The following MACROD2 variants were observed in gnomAD, a reference collection of about 807,000 sequenced individuals.
The protein encoded by MACROD2 is mono-ADP ribosylhydrolase 2.
A neutral mutation model predicts 70.4 loss-of-function variants in MACROD2; 36 were observed. The ratio of observed to expected loss-of-function variants is 0.51; its 90% CI spans 0.39 to 0.68. The LOEUF (loss-of-function observed/expected upper bound fraction) is 0.68, where lower values mean the gene tolerates loss of function less well. Among genes scored for constraint, MACROD2 ranks in the 30% least tolerant of loss-of-function variants. MACROD2 has a pLI of 0.00. For missense variants in MACROD2, 496 were observed against 538.4 expected (o/e 0.92, Z 0.78); for synonymous variants, 172 against 178.8 (o/e 0.96, Z 0.30).
intron 2 of MACROD2, among the ~76,000 whole-genome samples, chr20:14,023,495 A>G (rs2053116423): frequency 1.3e-5 from 2 of 152,052 alleles, no homozygotes; most frequent in Admixed American, 1.3e-4. Flanking sequence ...CCTGAATGGT[A>G]TTCTTCTAGG....
chr20:14,223,547 G>T (rs1396773583), intron 3 of MACROD2, among the ~76,000 whole-genome samples: 1 of 134,898 alleles, frequency 7.4e-6, no homozygotes, highest in African/African-American at 2.8e-5. Flanking sequence ...TCACCCTGTT[G>T]CCCAGGCTGG....
At chr20:15,712,595 A>T (rs1335692375) in intron 8 of MACROD2, among the ~76,000 whole-genome samples, 1 of 152,116 alleles carries the variant, frequency 6.6e-6, no homozygotes. Context: ...AACTCTCTAT[A>T]CTGTGGCTTT....
Position 14,852,901 on chromosome 20 carries a change from A to G in MACROD2, c.418+167942A>G, listed in dbSNP as rs549934477. 2.6e-5 allele frequency among the ~76,000 whole-genome samples: 4 copies of G among 152,250 alleles called. No homozygotes were observed. In the South Asian group the frequency reaches 8.3e-4, roughly 32 times the overall value. ...TGTGTGAAGCCCCACTGTGGCTCGGAGTCTACAGCATGTTTCAAAGACGTT... is the reference window on the plus strand; with the variant it reads ...TGTGTGAAGCCCCACTGTGGCTCGGGGTCTACAGCATGTTTCAAAGACGTT... On this transcript the variant is annotated intron_variant, in intron 5 of 17. Transcript: ENST00000684519.
chr20:15,572,184 G>T (rs912721888), intron 8 of MACROD2, among the ~76,000 whole-genome samples: 4 of 152,028 alleles, frequency 2.6e-5, no homozygotes, highest in Non-Finnish European at 4.4e-5. Context: ...TATTCACTCA[G>T]ATTTCTCAGG....
rs190023980 is a variant in MACROD2, at chr20:15,197,926, G to A, written c.419-32014G>A. On this transcript the variant is annotated intron_variant, in intron 5 of 17. Coordinates refer to ENST00000684519, the MANE Select transcript of MACROD2 (RefSeq NM_001351661.2). ...TGCCCAGCCTGGTCTTGAACTCCTG[G>A]ACTCAAGCAATTTTCCTGCCTTGGC... Among the ~76,000 whole-genome samples the A allele has an allele frequency of 1.7e-3, 243 of 144,858 alleles. No homozygotes were observed. The South Asian group carries it at 0.017, about 10-fold the overall frequency.
chr20:14,046,986 A>C (rs1315703606), intron 2 of MACROD2, among the ~76,000 whole-genome samples: 1 of 152,142 alleles, frequency 6.6e-6, no homozygotes, highest in African/African-American at 2.4e-5. Context: ...CATCATAATA[A>C]ATCATTGAAT....
chr20:15,831,696 C>T (rs2064057847), intron 8 of MACROD2, among the ~76,000 whole-genome samples: 1 of 152,146 alleles, frequency 6.6e-6, no homozygotes, highest in East Asian at 1.9e-4. Flanking sequence ...GAATTGTGCC[C>T]AGGATTTTGT....
At position 14,276,476 on chromosome 20, in the gene MACROD2, G is replaced by T. The variant is rs1241659257; in HGVS notation, c.271+190748G>T. On this transcript the variant is annotated intron_variant, in intron 3 of 17. Coordinates refer to ENST00000684519, the MANE Select transcript of MACROD2 (RefSeq NM_001351661.2). ...GGAACATCACACTCTGGGGACTGTT[G>T]TGGGGTGGGGGGAGGGGGGAGGGAT... Among the ~76,000 whole-genome samples the T allele has an allele frequency of 2.0e-4, 21 of 104,086 alleles. No individual in the cohort carries two copies. In the South Asian group the frequency reaches 2.8e-3, roughly 14 times the overall value. 68.3% of individuals were successfully genotyped at this position (104,086 alleles called of 152,430 possible). A position where few individuals can be genotyped will look rare whatever the true frequency, so the allele number is the denominator to read the frequency against.
At chr20:15,615,472 C>G (rs1295615781) in intron 8 of MACROD2, among the ~76,000 whole-genome samples, 10 of 152,154 alleles carry the variant, frequency 6.6e-5, no homozygotes, top group Admixed American at 6.5e-4. Context: ...AGGACACCTT[C>G]ATCAGAGCTG....
At chr20:15,882,309 T>C (rs1159007371) in intron 9 of MACROD2, among the ~76,000 whole-genome samples, 1 of 152,044 alleles carries the variant, frequency 6.6e-6, no homozygotes, top group Admixed American at 6.6e-5. Context: ...AAGTAGACAA[T>C]TTTTTGAGGA....
intron 3 of MACROD2, among the ~76,000 whole-genome samples, chr20:14,132,927 C>T (rs1057419213): frequency 6.6e-6 from 1 of 152,172 alleles, no homozygotes; most frequent in Non-Finnish European, 1.5e-5. Flanking sequence ...AGGCATGAGC[C>T]ACTGCACCTG....
chr20:15,105,238 A>G (rs1222647900), intron 5 of MACROD2, among the ~76,000 whole-genome samples: 1 of 151,968 alleles, frequency 6.6e-6, no homozygotes, highest in Non-Finnish European at 1.5e-5. Flanking sequence ...TCTTGGCTCT[A>G]TTTGTAAATG....
intron 3 of MACROD2, among the ~76,000 whole-genome samples, chr20:14,301,161 T>C (rs1323407404): frequency 6.6e-6 from 1 of 152,150 alleles, no homozygotes; most frequent in Admixed American, 6.6e-5. Context: ...GGTGGTAGAC[T>C]TAGGAGTTAC....
intron 5 of MACROD2, among the ~76,000 whole-genome samples, chr20:14,745,401 C>T (rs574731670): frequency 2.6e-4 from 40 of 152,192 alleles, no homozygotes; most frequent in Non-Finnish European, 4.1e-4. Flanking sequence ...TTTAATGCTG[C>T]GGAATATCAT....
chr20:14,923,444 T>G (rs1019763480), intron 5 of MACROD2, among the ~76,000 whole-genome samples: 6 of 152,134 alleles, frequency 3.9e-5, no homozygotes, highest in African/African-American at 1.4e-4. Flanking sequence ...TTCTAATTTA[T>G]CACAACACTT....
At chr20:15,514,273 A>G (rs1364439278) in intron 8 of MACROD2, among the ~76,000 whole-genome samples, 2 of 152,156 alleles carry the variant, frequency 1.3e-5, no homozygotes, top group Non-Finnish European at 2.9e-5. Flanking sequence ...CTTCACATGT[A>G]CTCACCACTC....
intron 5 of MACROD2, among the ~76,000 whole-genome samples, chr20:14,985,201 C>T (rs2074837639): frequency 6.6e-6 from 1 of 152,192 alleles, no homozygotes; most frequent in Non-Finnish European, 1.5e-5. Context: ...TAACCTATGA[C>T]ACTTCACTCA....
rs77289725 is a variant in MACROD2 at position 15,452,053 on chromosome 20, C to T, written c.571+20618C>T. Reference sequence around the variant, plus strand: ...GGCTGTAACGGAGTGTCTGTCTGTGCGCTTACTGCTCACCTGTTGTCTATC... The same window carrying T: ...GGCTGTAACGGAGTGTCTGTCTGTGTGCTTACTGCTCACCTGTTGTCTATC... On this transcript the variant is annotated intron_variant, in intron 7 of 17. Transcript: ENST00000684519. Among the ~76,000 whole-genome samples the T allele has an allele frequency of 2.9e-3, 439 of 152,220 alleles. 1 individual carries two copies. The highest frequency in any genetic ancestry group is 5.2e-3 in the Non-Finnish European group (354 of 68,006).
intron 4 of MACROD2, among the ~76,000 whole-genome samples, chr20:14,678,126 G>T (rs574310842): frequency 6.6e-6 from 1 of 152,242 alleles, no homozygotes; most frequent in East Asian, 1.9e-4. Context: ...GACACTTTTT[G>T]TCTGGTTGCT....
Sources: allele counts gnomAD v4.1 joint callset (sites outside exome capture counted in the v4.1 genomes callset), GRCh38; gene constraint gnomAD v4.1.1; transcripts MANE v1.5; gene names NCBI Gene and HGNC (gene_info 2026-07-23, HGNC 2026-07-21).